Variants in KCTD16 observed in about 807,000 individuals in gnomAD.
The protein encoded by KCTD16 is potassium channel tetramerization domain containing 16, also known as BTB/POZ domain-containing protein KCTD16.
Under a neutral mutation model 33.2 loss-of-function variants are expected in KCTD16, and 13 were observed. The ratio of observed to expected loss-of-function variants is 0.39; its 90% CI spans 0.25 to 0.62. KCTD16 has a LOEUF of 0.62. KCTD16 is among the 20% of genes least tolerant of loss of function. KCTD16 has a pLI of 0.50. For missense variants in KCTD16, 441 were observed against 525.1 expected (o/e 0.84, Z 1.57); for synonymous variants, 197 against 195.3 (o/e 1.01, Z -0.07).
chr5:144,426,720 A>T (rs1385060082), intron 3 of KCTD16, among the ~76,000 whole-genome samples: 1 of 152,094 alleles, frequency 6.6e-6, no homozygotes, highest in Non-Finnish European at 1.5e-5. Flanking sequence ...CCATCAAGGG[A>T]GGTATCATAG....
chr5:144,241,176 T>A lies in KCTD16; in HGVS notation c.832+33630T>A, dbSNP rs539273078. 7.2e-5 allele frequency among the ~76,000 whole-genome samples: 11 copies of A among 152,274 alleles called. No individual in the cohort carries two copies. The South Asian group carries it at 2.1e-3, about 29-fold the overall frequency. On this transcript the variant is annotated intron_variant, in intron 3 of 3. Coordinates refer to ENST00000512467, the MANE Select transcript of KCTD16 (RefSeq NM_020768.4). ...CTTTAGTCTGAATCTGATTTTCTGC[T>A]TCTATACCCTGGGAATAATGACACT...
chr5:144,185,755 T>C (rs1752712696), intron 2 of KCTD16, among the ~76,000 whole-genome samples: 1 of 151,840 alleles, frequency 6.6e-6, no homozygotes, highest in African/African-American at 2.4e-5. Context: ...ATTACTAAGA[T>C]TAAAAAAAAA....
chr5:144,208,105 G>C (rs1753249554), intron 3 of KCTD16, among the ~76,000 whole-genome samples: 1 of 152,154 alleles, frequency 6.6e-6, no homozygotes, highest in African/African-American at 2.4e-5. Context: ...TGCTTTTAAG[G>C]GTTTTACAAA....
chr5:144,429,943 G>A (rs1255086269), intron 3 of KCTD16, among the ~76,000 whole-genome samples: 1 of 151,962 alleles, frequency 6.6e-6, no homozygotes, highest in Non-Finnish European at 1.5e-5. Flanking sequence ...AATAGAAAGG[G>A]AAAAGAAGAA....
At chr5:144,314,092 C>A (rs1167433135) in intron 3 of KCTD16, among the ~76,000 whole-genome samples, 1 of 152,118 alleles carries the variant, frequency 6.6e-6, no homozygotes, top group East Asian at 1.9e-4. Context: ...AAGAATCACA[C>A]AACAGAATGG....
intron 3 of KCTD16, among the ~76,000 whole-genome samples, chr5:144,230,398 A>G (rs2126811936): frequency 6.6e-6 from 1 of 152,350 alleles, no homozygotes; most frequent in Middle Eastern, 3.4e-3. Context: ...CTCAAACTTA[A>G]TGTAATTCAG....
At chr5:144,183,779 A>G (rs551823085) in intron 2 of KCTD16, among the ~76,000 whole-genome samples, 119 of 152,310 alleles carry the variant, frequency 7.8e-4, no homozygotes, top group African/African-American at 2.8e-3. Context: ...CTTAGTAAAT[A>G]TTTGCTATAT....
At chr5:144,214,639 G>GC (rs1753504635) in intron 3 of KCTD16, among the ~76,000 whole-genome samples, 1 of 152,076 alleles carries the variant, frequency 6.6e-6, no homozygotes, top group African/African-American at 2.4e-5. Context: ...TGTTCCCTCT[G>GC]CCTGGAACTC....
At chr5:144,258,831 A>G (rs781629216) in intron 3 of KCTD16, among the ~76,000 whole-genome samples, 4 of 152,182 alleles carry the variant, frequency 2.6e-5, no homozygotes, top group Non-Finnish European at 5.9e-5. Flanking sequence ...AGGAAATGGA[A>G]ACAAGCTTCA....
intron 3 of KCTD16, among the ~76,000 whole-genome samples, chr5:144,396,932 A>ATATATT (rs1554092369): frequency 1.4e-5 from 2 of 146,806 alleles, no homozygotes; most frequent in Non-Finnish European, 3.0e-5. Flanking sequence ...ATATATATAT[A>ATATATT]TTTTATTATA....
At chr5:144,190,987 T>A (rs1752829228) in intron 2 of KCTD16, among the ~76,000 whole-genome samples, 1 of 152,266 alleles carries the variant, frequency 6.6e-6, no homozygotes, top group African/African-American at 2.4e-5. Flanking sequence ...TGAGCCTCAC[T>A]GATTGTCGTT....
chr5:144,358,616 A>G (rs1263940338), intron 3 of KCTD16, among the ~76,000 whole-genome samples: 1 of 152,166 alleles, frequency 6.6e-6, no homozygotes, highest in African/African-American at 2.4e-5. Context: ...GTACTGTCTC[A>G]GTCCTTTCAG....
At chr5:144,360,042 C>G (rs894581544) in intron 3 of KCTD16, among the ~76,000 whole-genome samples, 4 of 152,096 alleles carry the variant, frequency 2.6e-5, no homozygotes, top group Non-Finnish European at 4.4e-5. Context: ...CAATGAAAAC[C>G]TAGTTAGCAT....
intron 3 of KCTD16, among the ~76,000 whole-genome samples, chr5:144,405,859 G>GT (rs1752799699): frequency 6.6e-6 from 1 of 152,166 alleles, no homozygotes; most frequent in Non-Finnish European, 1.5e-5. Context: ...CAGGCTGTGA[G>GT]TTTTATCTTT....
intron 3 of KCTD16, among the ~76,000 whole-genome samples, chr5:144,367,922 T>A (rs1751875647): frequency 6.6e-6 from 1 of 151,520 alleles, no homozygotes; most frequent in South Asian, 2.1e-4. Flanking sequence ...TTTTCTGTTC[T>A]TGCCTTAAAT....
chr5:144,271,351 T>G (rs1403597967), intron 3 of KCTD16, among the ~76,000 whole-genome samples: 1 of 151,998 alleles, frequency 6.6e-6, no homozygotes, highest in Non-Finnish European at 1.5e-5. Context: ...TGATTCAACA[T>G]ATGAAAATCA....
intron 3 of KCTD16, among the ~76,000 whole-genome samples, chr5:144,298,299 A>G (rs1756104235): frequency 6.6e-6 from 1 of 152,194 alleles, no homozygotes; most frequent in Non-Finnish European, 1.5e-5. Flanking sequence ...GAGCTCTGGG[A>G]GCAAGGACCC....
intron 2 of KCTD16, among the ~76,000 whole-genome samples, chr5:144,191,789 C>T (rs1580777406): frequency 1.3e-5 from 2 of 151,154 alleles, no homozygotes; most frequent in African/African-American, 2.4e-5. Context: ...TGAGTGTTTG[C>T]GGCAGTGCTT....
rs1754548956 is a variant in KCTD16 at position 144,474,351 on chromosome 5, T to A, written c.*237T>A. On this transcript the variant is annotated 3_prime_UTR_variant, in exon 4 of 4. Coordinates refer to ENST00000512467, the MANE Select transcript of KCTD16 (RefSeq NM_020768.4). ...AAATCTTTTTTAGTTATTTGTTTGT[T>A]TACTTCGTCCCATGTGCTAACTATC... is the stretch of plus-strand genomic sequence containing the variant. 2 of 450,632 alleles carry A rather than the reference T, an allele frequency of 4.4e-6. No homozygotes were observed. Among genetic ancestry groups the A allele is most frequent in the Non-Finnish European group, 8.0e-6 (2 of 251,014 alleles). 27.9% of individuals were successfully genotyped at this position (450,632 alleles called of 1,614,324 possible).
Sources: gnomAD v4.1 joint callset for allele counts (sites outside exome capture counted in the v4.1 genomes callset) on GRCh38, gnomAD v4.1.1 for gene constraint, MANE v1.5 for transcripts, NCBI Gene and HGNC (gene_info 2026-07-23, HGNC 2026-07-21) for gene names.